The following BMPR1B variants were observed in gnomAD, a reference collection of about 807,000 sequenced individuals.
BMPR1B encodes bone morphogenetic protein receptor type 1B, also known as bone morphogenetic protein receptor type-1B.
A neutral mutation model predicts 59.1 loss-of-function variants in BMPR1B; 12 were observed. That is an observed-to-expected ratio of 0.20 (90% CI 0.13 to 0.33). BMPR1B has a LOEUF of 0.33. Ranked by LOEUF, BMPR1B falls within the 10% of genes least tolerant of loss-of-function variation. The probability of loss-of-function intolerance (pLI) is 1.00; values close to 1 mark genes in which losing one functional copy is unlikely to be tolerated. For missense variants in BMPR1B, 550 were observed against 610.9 expected (o/e 0.90, Z 1.05); for synonymous variants, 237 against 207.3 (o/e 1.14, Z -1.23).
intron 3 of BMPR1B, among the ~76,000 whole-genome samples, chr4:95,080,568 T>C (rs1394759585): frequency 1.3e-5 from 2 of 152,194 alleles, no homozygotes; most frequent in Non-Finnish European, 2.9e-5. Context: ...TCTCTAATGC[T>C]AATGACTGGT....
chr4:95,034,145 A>G (rs1371765499), intron 3 of BMPR1B, among the ~76,000 whole-genome samples: 2 of 152,148 alleles, frequency 1.3e-5, no homozygotes, highest in African/African-American at 4.8e-5. Context: ...CAAGAACAGT[A>G]TTTAAAATTT....
At chr4:94,890,123 G>A (rs1377697106) in intron 2 of BMPR1B, among the ~76,000 whole-genome samples, 2 of 152,010 alleles carry the variant, frequency 1.3e-5, no homozygotes, top group Non-Finnish European at 2.9e-5. Context: ...CAGTTAATGT[G>A]GTCAAGGGAT....
chr4:94,962,393 C>G (rs1401904543), intron 2 of BMPR1B, among the ~76,000 whole-genome samples: 1 of 152,144 alleles, frequency 6.6e-6, no homozygotes, highest in African/African-American at 2.4e-5. Context: ...TTGGCTCAGC[C>G]TCCCAAAGTG....
intron 3 of BMPR1B, among the ~76,000 whole-genome samples, chr4:95,070,909 A>G (rs1370401172): frequency 1.3e-5 from 2 of 152,160 alleles, no homozygotes; most frequent in Non-Finnish European, 2.9e-5. Flanking sequence ...GCTAGCCTCA[A>G]ACTCTTTATT....
intron 10 of BMPR1B, among the ~76,000 whole-genome samples, chr4:95,137,480 CGTT>C (rs1227675145): frequency 1.1e-4 from 17 of 152,014 alleles, no homozygotes; most frequent in Non-Finnish European, 1.8e-4. Context: ...CTTTCTGTCT[CGTT>C]GATCTGTCTA....
chr4:94,937,897 A>G (rs925773460), intron 2 of BMPR1B, among the ~76,000 whole-genome samples: 2 of 152,200 alleles, frequency 1.3e-5, no homozygotes, highest in African/African-American at 4.8e-5. Flanking sequence ...AGTAGTGGCT[A>G]TGGGATAAAT....
At chr4:94,989,377 G>A (rs1285494236) in intron 2 of BMPR1B, among the ~76,000 whole-genome samples, 5 of 122,816 alleles carry the variant, frequency 4.1e-5, no homozygotes, top group Non-Finnish European at 8.4e-5. Context: ...GACAGAGCGA[G>A]ACTCCGTCTA....
rs149184017 is a variant in BMPR1B at position 94,857,402 on chromosome 4, TACAC to T, written c.-182-18425_-182-18422del. Among the ~76,000 whole-genome samples, 485 of 152,296 alleles carry T rather than the reference TACAC, an allele frequency of 3.2e-3. 8 individuals are homozygous for T. In the South Asian group the frequency reaches 0.041, roughly 13 times the overall value. On this transcript the variant is annotated intron_variant, in intron 1 of 12. Transcript: ENST00000515059. ...TAGCACTTTATCTTCAATGAATAGT[TACAC>T]ACATATAGTAAGATCTATATAAAAT...
intron 7 of BMPR1B, among the ~76,000 whole-genome samples, chr4:95,124,475 T>G (rs767185437): frequency 3.3e-5 from 5 of 152,054 alleles, no homozygotes; most frequent in African/African-American, 4.8e-5. Context: ...ATGGTCAGAT[T>G]AATTGATTCA....
intron 3 of BMPR1B, among the ~76,000 whole-genome samples, chr4:95,073,016 T>C (rs1355603220): frequency 6.6e-6 from 1 of 152,190 alleles, no homozygotes; most frequent in Non-Finnish European, 1.5e-5. Context: ...AGGAAGCTAC[T>C]TCACAGTTGA....
chr4:95,116,212 A>G (rs183518084), intron 6 of BMPR1B, among the ~76,000 whole-genome samples: 7 of 152,166 alleles, frequency 4.6e-5, no homozygotes, highest in Admixed American at 4.6e-4. Context: ...TCCTTTTTTT[A>G]TGCTAGAGTA....
At chr4:95,142,007 A>T (rs925848278) in intron 10 of BMPR1B, among the ~76,000 whole-genome samples, 2 of 152,204 alleles carry the variant, frequency 1.3e-5, no homozygotes, top group African/African-American at 4.8e-5. Context: ...CAAAGTCATA[A>T]AACTAAGCTC....
intron 3 of BMPR1B, among the ~76,000 whole-genome samples, chr4:95,026,620 G>A (rs1486707752): frequency 6.6e-6 from 1 of 151,888 alleles, no homozygotes; most frequent in Non-Finnish European, 1.5e-5. Context: ...TAAAATATAG[G>A]TAAGGGTGCT....
chr4:95,116,421 G>GCA (rs35436544), intron 6 of BMPR1B, among the ~76,000 whole-genome samples: 7,963 of 123,144 alleles, frequency 0.065, 344 homozygotes, highest in East Asian at 0.22. Context: ...TTCAGCGCGC[G>GCA]CACACACACA....
intron 1 of BMPR1B, among the ~76,000 whole-genome samples, chr4:94,823,158 A>G (rs1202828606): frequency 6.6e-6 from 1 of 152,180 alleles, no homozygotes; most frequent in Non-Finnish European, 1.5e-5. Context: ...ATCATTTGTT[A>G]ATGAGCTTGA....
chr4:95,015,492 C>T (rs901420375), intron 3 of BMPR1B, among the ~76,000 whole-genome samples: 1 of 152,094 alleles, frequency 6.6e-6, no homozygotes, highest in African/African-American at 2.4e-5. Context: ...CTCAAGGGAT[C>T]TTCCTGCCTC....
At chr4:95,012,310 C>T (rs1723280036) in intron 3 of BMPR1B, among the ~76,000 whole-genome samples, 1 of 152,022 alleles carries the variant, frequency 6.6e-6, no homozygotes, top group Non-Finnish European at 1.5e-5. Context: ...GTTTCAATAC[C>T]TATTAGACAA....
intron 3 of BMPR1B, among the ~76,000 whole-genome samples, chr4:95,035,860 T>C (rs1320141233): frequency 6.6e-6 from 1 of 152,216 alleles, no homozygotes; most frequent in Admixed American, 6.5e-5. Context: ...AATTTGTAGA[T>C]TGCTTTTGGC....
intron 2 of BMPR1B, among the ~76,000 whole-genome samples, chr4:94,949,803 C>T (rs1337449967): frequency 6.6e-6 from 1 of 152,152 alleles, no homozygotes; most frequent in Non-Finnish European, 1.5e-5. Flanking sequence ...TGGGTATATA[C>T]TCAGTAATGG....
Sources: allele counts gnomAD v4.1 joint callset (sites outside exome capture counted in the v4.1 genomes callset), GRCh38; gene constraint gnomAD v4.1.1; transcripts MANE v1.5; gene names NCBI Gene and HGNC (gene_info 2026-07-23, HGNC 2026-07-21).